RHBDD1: variants seen among roughly 807,000 people sequenced by gnomAD.
RHBDD1 encodes rhomboid-related protein 4.
A neutral mutation model predicts 36.3 loss-of-function variants in RHBDD1; 38 were observed. The observed-to-expected ratio is 1.05, with a 90% CI of 0.81 to 1.37. The LOEUF (loss-of-function observed/expected upper bound fraction) is 1.37, where lower values mean the gene tolerates loss of function less well. Among genes scored for constraint, RHBDD1 ranks in the 40% most tolerant of loss-of-function variants. RHBDD1 has a pLI of 0.00. For synonymous variants in RHBDD1, 151 were observed against 136.5 expected, an observed-to-expected ratio of 1.11 and a Z score of -0.74; for missense variants, 393 against 377.6, an observed-to-expected ratio of 1.04 and a Z score of -0.34.
chr2:226,859,837 G>C (rs1943682166), intron 3 of RHBDD1, among the ~76,000 whole-genome samples: 1 of 152,148 alleles, frequency 6.6e-6, no homozygotes, highest in African/African-American at 2.4e-5. Flanking sequence ...TACTACTGGG[G>C]AGTCCAGCTT....
chr2:226,801,344 G>C, the RHBDD1 span, among the ~76,000 whole-genome samples: 1 of 152,198 alleles, frequency 6.6e-6, no homozygotes, highest in Admixed American at 6.5e-5. Flanking sequence ...TAGAAGGGTT[G>C]AGGGTACCAA....
At chr2:226,823,962 C>A in the RHBDD1 span, among the ~76,000 whole-genome samples, 9 of 152,204 alleles carry the variant, frequency 5.9e-5, no homozygotes, top group South Asian at 1.9e-3. Context: ...TGAATCACAC[C>A]CCAGTAGGCC....
chr2:226,947,872 A>G lies in RHBDD1; in HGVS notation c.856+33521A>G, dbSNP rs763642744. On this transcript the variant is annotated intron_variant, in intron 8 of 8. Coordinates refer to ENST00000392062, the MANE Select transcript of RHBDD1 (RefSeq NM_001167608.3). Reference sequence around the variant, plus strand: ...CAAATCAAAACCACTATGAGATACCATCTCACACCAGTTAGAATGGCAATC... The same window carrying G: ...CAAATCAAAACCACTATGAGATACCGTCTCACACCAGTTAGAATGGCAATC... Among the ~76,000 whole-genome samples the G allele has an allele frequency of 1.2e-3, 190 of 152,244 alleles. 1 individual carries two copies. The highest frequency in any genetic ancestry group is 2.2e-3 in the Non-Finnish European group (148 of 68,006).
chr2:226,883,916 GA>G (rs1008909335), intron 5 of RHBDD1, among the ~76,000 whole-genome samples: 1 of 152,086 alleles, frequency 6.6e-6, no homozygotes, highest in African/African-American at 2.4e-5. Flanking sequence ...ATTTTGACTC[GA>G]TTTTTTTTCT....
At chr2:226,993,889 T>C (rs972599578) in intron 8 of RHBDD1, among the ~76,000 whole-genome samples, 10 of 152,250 alleles carry the variant, frequency 6.6e-5, no homozygotes, top group Non-Finnish European at 1.3e-4. Context: ...AGCTTATGCA[T>C]AGATGGACAC....
chr2:226,826,514 T>C, the RHBDD1 span, among the ~76,000 whole-genome samples: 1 of 127,474 alleles, frequency 7.8e-6, no homozygotes. Context: ...ACAATCATGA[T>C]AGATTTTTTT....
Position 226,895,747 on chromosome 2 carries a change from A to C in RHBDD1, c.567-11046A>C, listed in dbSNP as rs1161988573. 4 of 985,430 alleles carry C rather than the reference A, an allele frequency of 4.1e-6. No homozygotes were observed. The African/African-American group carries it at 7.0e-5, about 17-fold the overall frequency. The allele number at this position is 985,430 out of a possible 1,614,324, so 61.0% of individuals were successfully genotyped here. A position where few individuals can be genotyped will look rare whatever the true frequency, so the allele number is the denominator to read the frequency against. On this transcript the variant is annotated intron_variant, in intron 5 of 8. Coordinates refer to ENST00000392062, the MANE Select transcript of RHBDD1 (RefSeq NM_001167608.3). ...GATTATGACTTTCATCCAGAGCACT[A>C]TTTAGAAACACTTGCCTGTGCCAAA... is the stretch of plus-strand genomic sequence containing the variant.
upstream of RHBDD1, among the ~76,000 whole-genome samples, chr2:226,834,924 C>T (rs558883808): frequency 5.9e-5 from 9 of 152,224 alleles, no homozygotes; most frequent in Non-Finnish European, 1.3e-4. Flanking sequence ...TACAGGCGCC[C>T]GCAACCATGC....
chr2:226,853,537 T>G (rs1943040191), intron 3 of RHBDD1, among the ~76,000 whole-genome samples: 1 of 152,230 alleles, frequency 6.6e-6, no homozygotes, highest in South Asian at 2.1e-4. Context: ...CAGCACTGTC[T>G]GGTGGGAAGA....
intron 5 of RHBDD1, among the ~76,000 whole-genome samples, chr2:226,877,486 C>T (rs1945334061): frequency 6.6e-6 from 1 of 150,562 alleles, no homozygotes. Flanking sequence ...TCATTGACAA[C>T]AAATTCATTA....
At chr2:226,817,368 T>A in the RHBDD1 span, among the ~76,000 whole-genome samples, 4 of 152,306 alleles carry the variant, frequency 2.6e-5, no homozygotes, top group South Asian at 8.3e-4. Flanking sequence ...TAGGCCTAGT[T>A]GCTGGTGTTC....
At chr2:226,832,005 T>C (rs986677215), upstream of RHBDD1, among the ~76,000 whole-genome samples, 4 of 152,022 alleles carry the variant, frequency 2.6e-5, no homozygotes, top group Non-Finnish European at 5.9e-5. Context: ...ATTTTCTCTA[T>C]TTTTGTTACT....
rs559261432 is a variant in RHBDD1, at chr2:226,847,567, A to G, written c.-91+7940A>G. 4.6e-5 allele frequency among the ~76,000 whole-genome samples: 7 copies of G among 152,362 alleles called. No homozygotes were observed. The South Asian group carries it at 1.2e-3, about 27-fold the overall frequency. On this transcript the variant is annotated intron_variant, in intron 3 of 8. Coordinates refer to ENST00000392062, the MANE Select transcript of RHBDD1 (RefSeq NM_001167608.3). ...TGAGTGGCTCTCAGCAGAGGAAAGC[A>G]TATTCATTTATTAGGCAAACTTAAG... is the stretch of plus-strand genomic sequence containing the variant.
intron 8 of RHBDD1, among the ~76,000 whole-genome samples, chr2:226,920,400 C>G (rs547408326): frequency 6.6e-6 from 1 of 152,170 alleles, no homozygotes; most frequent in South Asian, 2.1e-4. Flanking sequence ...GCTGATTGCT[C>G]TAGCTAGGAC....
chr2:226,985,738 C>T (rs998849223), intron 8 of RHBDD1, among the ~76,000 whole-genome samples: 3 of 152,226 alleles, frequency 2.0e-5, no homozygotes, highest in South Asian at 2.1e-4. Flanking sequence ...CCCACACCAA[C>T]GTTAGCAGAC....
chr2:226,988,460 G>A (rs1338512204), intron 8 of RHBDD1: 1 of 1,548,746 alleles, frequency 6.5e-7, no homozygotes, highest in Non-Finnish European at 8.7e-7. Flanking sequence ...AATCCTTTGA[G>A]GCTGCAGGGT....
the RHBDD1 span, among the ~76,000 whole-genome samples, chr2:226,803,426 T>G: frequency 6.6e-6 from 1 of 152,108 alleles, no homozygotes; most frequent in East Asian, 1.9e-4. Context: ...AGAGGAGCCT[T>G]AAGCTTGAAC....
rs147222320 is a variant in RHBDD1, at chr2:226,859,856, T to C, written c.-90-4748T>C. 2.0e-5 allele frequency among the ~76,000 whole-genome samples: 3 copies of C among 152,328 alleles called. No individual in the cohort carries two copies. The East Asian group carries it at 5.8e-4, about 29-fold the overall frequency. On this transcript the variant is annotated intron_variant, in intron 3 of 8. Coordinates refer to ENST00000392062, the MANE Select transcript of RHBDD1 (RefSeq NM_001167608.3). The stretch of plus-strand genomic sequence containing the variant: ...ACTGGGGAGTCCAGCTTCAGTTTTA[T>C]ACAAGATTACTCTAAGCAGTGGTGG...
At chr2:226,909,389 A>G (rs1012021749) in intron 7 of RHBDD1, among the ~76,000 whole-genome samples, 9 of 152,216 alleles carry the variant, frequency 5.9e-5, no homozygotes, top group African/African-American at 1.4e-4. Flanking sequence ...TTAAAAGCGT[A>G]AGACCTATTT....
Sources: allele counts gnomAD v4.1 joint callset (sites outside exome capture counted in the v4.1 genomes callset), GRCh38; gene constraint gnomAD v4.1.1; transcripts MANE v1.5; gene names NCBI Gene and HGNC (gene_info 2026-07-23, HGNC 2026-07-21).